EFHD1: variants seen among roughly 807,000 people sequenced by gnomAD.
The protein encoded by EFHD1 is EF-hand domain family member D1, also known as EF-hand domain-containing protein D1.
EFHD1 carries 10 observed loss-of-function variants against 17.2 expected under a neutral mutation model. That is an observed-to-expected ratio of 0.58 (90% CI 0.36 to 0.99). The LOEUF (loss-of-function observed/expected upper bound fraction) is 0.99, where lower values mean the gene tolerates loss of function less well. Ranked by LOEUF, EFHD1 falls within the 50% of genes least tolerant of loss-of-function variation. The pLI is 0.01. For synonymous variants in EFHD1, 153 were observed against 142.0 expected (o/e 1.08, Z -0.55); for missense variants, 310 against 327.5 (o/e 0.95, Z 0.41).
rs760126376 is a variant in EFHD1, at chr2:232,606,580, G to A, written c.14+407G>A. 1.2e-4 allele frequency: 30 copies of A among 242,148 alleles called. 1 individual carries two copies. The highest frequency in any genetic ancestry group is 4.2e-5 in the Non-Finnish European group (5 of 118,756). The allele number at this position is 242,148 out of a possible 1,614,324, so 15.0% of individuals were successfully genotyped here. A position where few individuals can be genotyped will look rare whatever the true frequency, so the allele number is the denominator to read the frequency against. On this transcript the variant is annotated intron_variant, in intron 1 of 3. Transcript: ENST00000409613. ...CCTGAGCAGGTTCCTCACCTGCACC[G>A]ACCCTCATCTTTAAAGTTGGGGTGC...
chr2:232,636,150 A>G lies in EFHD1; in HGVS notation c.302+2144A>G, dbSNP rs1694314492. On this transcript the variant is annotated intron_variant, in intron 1 of 3. Coordinates refer to ENST00000264059, the MANE Select transcript of EFHD1 (RefSeq NM_025202.4). ...GGCCACAACAGCTTAAATTAATAAC[A>G]TAAGAATGTTAAAAACACTAAAGAA... Among the ~76,000 whole-genome samples, 3 of 152,200 alleles carry G rather than the reference A, an allele frequency of 2.0e-5. 1 individual carries two copies. In the South Asian group the frequency reaches 6.2e-4, roughly 32 times the overall value.
intron 1 of EFHD1, among the ~76,000 whole-genome samples, chr2:232,658,778 G>A (rs1345343486): frequency 6.6e-6 from 1 of 152,116 alleles, no homozygotes; most frequent in African/African-American, 2.4e-5. Context: ...GACTGCTAAT[G>A]GGTATCAGTT....
At chr2:232,631,141 C>T (rs979724071), upstream of EFHD1, among the ~76,000 whole-genome samples, 3 of 152,100 alleles carry the variant, frequency 2.0e-5, no homozygotes, top group East Asian at 1.9e-4. Flanking sequence ...GCAGGTGAAT[C>T]GCTTGAACCT....
chr2:232,681,581 G>A lies in EFHD1; in HGVS notation c.586-4G>A, dbSNP rs774439837. 1.2e-5 allele frequency: 20 copies of A among 1,613,584 alleles called. No individual in the cohort carries two copies. The Admixed American group carries it at 3.3e-4, about 27-fold the overall frequency. On this transcript the variant is annotated splice_region_variant and splice_polypyrimidine_tract_variant and intron_variant, in intron 3 of 3. Coordinates refer to ENST00000264059, the MANE Select transcript of EFHD1 (RefSeq NM_025202.4). ...TTTGGTCTATGTCTGCTATTTCTCT[G>A]CAGGTCCAAGCCTTGTCATCGGCCA...
chr2:232,622,234 G>A (rs1372406922), intron 1 of EFHD1, among the ~76,000 whole-genome samples: 5 of 152,188 alleles, frequency 3.3e-5, no homozygotes, highest in Admixed American at 6.5e-5. Context: ...CTGGGAGGCC[G>A]AGGCAGGCGG....
rs540530957 is a variant in EFHD1 at position 232,647,109 on chromosome 2, A to G, written c.302+13103A>G. On this transcript the variant is annotated intron_variant, in intron 1 of 3. Coordinates refer to ENST00000264059, the MANE Select transcript of EFHD1 (RefSeq NM_025202.4). ...GAAAAAGGTAAGTGACCACCTTCTC[A>G]GGTTGTGCACAAGACCTCATGACCA... Among the ~76,000 whole-genome samples the G allele has an allele frequency of 7.2e-5, 11 of 152,362 alleles. No individual in the cohort carries two copies. In the South Asian group the frequency reaches 2.1e-3, roughly 29 times the overall value.
intron 1 of EFHD1, among the ~76,000 whole-genome samples, chr2:232,616,228 G>A (rs2106184120): frequency 6.6e-6 from 1 of 152,222 alleles, no homozygotes; most frequent in African/African-American, 2.4e-5. Context: ...CTGAGACAAC[G>A]TGGATGAACC....
At chr2:232,677,855 A>T (rs1389671895) in intron 3 of EFHD1, among the ~76,000 whole-genome samples, 1 of 152,260 alleles carries the variant, frequency 6.6e-6, no homozygotes, top group Non-Finnish European at 1.5e-5. Context: ...ATTGAAAAAG[A>T]TAATATCATA....
chr2:232,643,246 A>G (rs982269047), intron 1 of EFHD1, among the ~76,000 whole-genome samples: 1 of 151,980 alleles, frequency 6.6e-6, no homozygotes, highest in South Asian at 2.1e-4. Context: ...GTGTGCCCCA[A>G]GCTGGCCTCT....
At chr2:232,627,059 TA>T (rs1171041034) in intron 1 of EFHD1, among the ~76,000 whole-genome samples, 131 of 118,918 alleles carry the variant, frequency 1.1e-3, no homozygotes, top group African/African-American at 1.7e-3. Context: ...TATATATATA[TA>T]TATATTTTTT....
intron 1 of EFHD1, among the ~76,000 whole-genome samples, chr2:232,650,719 C>G (rs185790593): frequency 1.4e-4 from 21 of 151,118 alleles, no homozygotes; most frequent in African/African-American, 4.4e-4. Flanking sequence ...CAGGTGCTCA[C>G]CACTATGCCT....
At chr2:232,623,692 A>AGAAG (rs1553595791) in intron 1 of EFHD1, among the ~76,000 whole-genome samples, 1 of 101,964 alleles carries the variant, frequency 9.8e-6, no homozygotes, top group Admixed American at 1.1e-4. Flanking sequence ...AAAAAAAAAA[A>AGAAG]AAGAAGAAGA....
At chr2:232,646,514 C>T (rs890567410) in intron 1 of EFHD1, among the ~76,000 whole-genome samples, 10 of 143,498 alleles carry the variant, frequency 7.0e-5, no homozygotes, top group South Asian at 4.7e-4. Flanking sequence ...GCATGATCTC[C>T]GCTCACTGCA....
At chr2:232,623,396 G>A (rs960394444) in intron 1 of EFHD1, among the ~76,000 whole-genome samples, 4 of 152,084 alleles carry the variant, frequency 2.6e-5, no homozygotes, top group East Asian at 1.9e-4. Flanking sequence ...TTCTGAGGCC[G>A]GGTATTGTGG....
At chr2:232,622,981 TTTTA>T (rs1184199637) in intron 1 of EFHD1, among the ~76,000 whole-genome samples, 1 of 152,194 alleles carries the variant, frequency 6.6e-6, no homozygotes, top group African/African-American at 2.4e-5. Context: ...ATTTCACCTG[TTTTA>T]TTTTTCTTCC....
chr2:232,665,199 G>A (rs552247757), intron 2 of EFHD1, among the ~76,000 whole-genome samples: 2 of 152,234 alleles, frequency 1.3e-5, no homozygotes, highest in East Asian at 3.9e-4. Flanking sequence ...TTGAGATACT[G>A]GCATCCCACC....
At chr2:232,607,601 A>T (rs1306938328) in intron 1 of EFHD1, among the ~76,000 whole-genome samples, 1 of 151,792 alleles carries the variant, frequency 6.6e-6, no homozygotes, top group Non-Finnish European at 1.5e-5. Context: ...CAAAAAAAAA[A>T]AAAAATTAGC....
chr2:232,665,305 C>G (rs1330548983), intron 2 of EFHD1, among the ~76,000 whole-genome samples: 2 of 152,216 alleles, frequency 1.3e-5, no homozygotes, highest in African/African-American at 4.8e-5. Flanking sequence ...TCAAGACTAT[C>G]AGGTGTCTTC....
upstream of EFHD1, chr2:232,633,452 C>T (rs1694241158): frequency 1.9e-5 from 23 of 1,214,560 alleles, no homozygotes; most frequent in Non-Finnish European, 2.0e-5. Context: ...GTCTCCGGGA[C>T]GCGCAGACAC....
Sources: gnomAD v4.1 joint callset for allele counts (sites outside exome capture counted in the v4.1 genomes callset) on GRCh38, gnomAD v4.1.1 for gene constraint, MANE v1.5 for transcripts, NCBI Gene and HGNC (gene_info 2026-07-23, HGNC 2026-07-21) for gene names.